The following STAU2 variants were observed in gnomAD, a reference collection of about 807,000 sequenced individuals.
STAU2 encodes the protein staufen double-stranded RNA binding protein 2, also known as double-stranded RNA-binding protein Staufen homolog 2.
Under a neutral mutation model 65.9 loss-of-function variants are expected in STAU2, and 20 were observed. That is an observed-to-expected ratio of 0.30 (90% CI 0.21 to 0.44). The LOEUF (loss-of-function observed/expected upper bound fraction) is 0.44. STAU2 is among the 20% of genes least tolerant of loss of function. The pLI, the probability that STAU2 is intolerant of heterozygous loss-of-function variation, is 1.00. For synonymous variants in STAU2, 232 were observed against 233.9 expected (o/e 0.99, Z 0.07); for missense variants, 558 against 683.9 (o/e 0.82, Z 2.05).
intron 12 of STAU2, among the ~76,000 whole-genome samples, chr8:73,563,998 A>T (rs1416096016): frequency 6.6e-6 from 1 of 152,220 alleles, no homozygotes; most frequent in Non-Finnish European, 1.5e-5. Flanking sequence ...AAGAATGGCC[A>T]CACTGAAACA....
At chr8:73,451,509 G>A (rs6981917) in intron 13 of STAU2, among the ~76,000 whole-genome samples, 50,242 of 151,544 alleles carry the variant, frequency 0.33, 9,471 homozygotes, top group Non-Finnish European at 0.42. Context: ...GAGAGAAAGC[G>A]TTCCTCTAAC....
chr8:73,429,808 C>A (rs1817127915), intron 13 of STAU2, among the ~76,000 whole-genome samples: 1 of 152,080 alleles, frequency 6.6e-6, no homozygotes, highest in Admixed American at 6.6e-5. Context: ...ATTAATATTT[C>A]AAAATCACTC....
chr8:73,744,660 A>G (rs375421253), intron 1 of STAU2, among the ~76,000 whole-genome samples: 1 of 152,196 alleles, frequency 6.6e-6, no homozygotes, highest in Non-Finnish European at 1.5e-5. Flanking sequence ...ACTTCATTCC[A>G]GACAAGCCAA....
chr8:73,524,433 T>C (rs1563401241), intron 13 of STAU2, among the ~76,000 whole-genome samples: 1 of 152,196 alleles, frequency 6.6e-6, no homozygotes, highest in Non-Finnish European at 1.5e-5. Context: ...CCCCTGATCA[T>C]TTTGCATATC....
chr8:73,692,830 G>A (rs1819424256), intron 4 of STAU2, among the ~76,000 whole-genome samples: 1 of 152,132 alleles, frequency 6.6e-6, no homozygotes. Context: ...AGAATTCGCT[G>A]GCGTGGAAAA....
intron 4 of STAU2, among the ~76,000 whole-genome samples, chr8:73,703,462 T>C (rs1439732002): frequency 6.6e-6 from 1 of 152,180 alleles, no homozygotes; most frequent in African/African-American, 2.4e-5. Flanking sequence ...TTTATAGCAA[T>C]ACAAGAATGG....
At chr8:73,509,965 G>A (rs2128923626) in intron 13 of STAU2, among the ~76,000 whole-genome samples, 1 of 152,300 alleles carries the variant, frequency 6.6e-6, no homozygotes, top group East Asian at 1.9e-4. Context: ...TTCTCAGGTA[G>A]TAAGCAAAGC....
At chr8:73,611,854 G>C (rs1458148678) in intron 9 of STAU2, among the ~76,000 whole-genome samples, 1 of 151,940 alleles carries the variant, frequency 6.6e-6, no homozygotes, top group Non-Finnish European at 1.5e-5. Context: ...ACTAATTTTT[G>C]TATTTTTAGT....
intron 4 of STAU2, among the ~76,000 whole-genome samples, chr8:73,704,340 T>C (rs931809787): frequency 6.6e-6 from 1 of 152,138 alleles, no homozygotes; most frequent in African/African-American, 2.4e-5. Context: ...AGCCACCAAA[T>C]GTAATACATG....
chr8:73,741,006 G>GA (rs770291962), intron 1 of STAU2, among the ~76,000 whole-genome samples: 4,756 of 62,708 alleles, frequency 0.076, 218 homozygotes, highest in Admixed American at 0.23. Context: ...CTTCATCTCA[G>GA]AAAAAAAAAA....
At position 73,595,154 on chromosome 8, in the gene STAU2, CT is replaced by C; in HGVS notation, c.1161+11del. ...GACAGATAGGATACATACATGTAAA[CT>C]TAACTCTTACCTTCTCAAGTTGATC... On this transcript the variant is annotated intron_variant, in intron 11 of 14. Coordinates refer to ENST00000524300, the MANE Select transcript of STAU2 (RefSeq NM_001164380.2). 6.3e-7 allele frequency: 1 copy of C among 1,593,470 alleles called. No homozygotes were observed. Among genetic ancestry groups the C allele is most frequent in the Non-Finnish European group, 8.5e-7 (1 of 1,172,100 alleles).
At position 73,589,570 on chromosome 8, in the gene STAU2, TA is replaced by T. The variant is rs553156698; in HGVS notation, c.1161+5595del. 5.9e-5 allele frequency among the ~76,000 whole-genome samples: 9 copies of T among 152,240 alleles called. 1 individual carries two copies. In the East Asian group the frequency reaches 1.7e-3, roughly 29 times the overall value. On this transcript the variant is annotated intron_variant, in intron 11 of 14. Transcript: ENST00000524300. ...TAAGGAAATCCTAAACGAAAAATAT[TA>T]GAGATCAAAACATTGATGTCATTAT...
At chr8:73,515,767 ATTTCTC>A (rs1258965193) in intron 13 of STAU2, among the ~76,000 whole-genome samples, 3 of 130,738 alleles carry the variant, frequency 2.3e-5, no homozygotes, top group African/African-American at 5.7e-5. Context: ...TGCTGAAAAA[ATTTCTC>A]TTTTTTTTTT....
chr8:73,645,229 A>C (rs2130165674), intron 6 of STAU2, among the ~76,000 whole-genome samples: 1 of 152,332 alleles, frequency 6.6e-6, no homozygotes, highest in East Asian at 1.9e-4. Context: ...CAACATACAT[A>C]AAGAATCTTA....
chr8:73,468,555 A>C (rs1585819055), intron 13 of STAU2, among the ~76,000 whole-genome samples: 1 of 152,222 alleles, frequency 6.6e-6, no homozygotes, highest in Non-Finnish European at 1.5e-5. Context: ...CAATCTACTC[A>C]TCTGACAAAG....
intron 9 of STAU2, among the ~76,000 whole-genome samples, chr8:73,605,307 C>CTTTTT (rs760108756): frequency 1.6e-5 from 2 of 124,030 alleles, no homozygotes; most frequent in Non-Finnish European, 3.4e-5. Flanking sequence ...GGCTTTTTTC[C>CTTTTT]TTTTTTTTTT....
intron 12 of STAU2, among the ~76,000 whole-genome samples, chr8:73,554,792 C>A (rs1274522408): frequency 6.6e-6 from 1 of 152,112 alleles, no homozygotes; most frequent in Non-Finnish European, 1.5e-5. Context: ...ACTATAGAAC[C>A]CAAACTCCTT....
chr8:73,447,332 T>C (rs1038880708), intron 13 of STAU2, among the ~76,000 whole-genome samples: 6 of 152,322 alleles, frequency 3.9e-5, no homozygotes, highest in African/African-American at 1.2e-4. Flanking sequence ...AACTTTTTTT[T>C]CCCACATAAT....
chr8:73,590,893 G>GCC (rs1205731752), intron 11 of STAU2: 2 of 153,478 alleles, frequency 1.3e-5, no homozygotes, highest in Non-Finnish European at 2.9e-5. Flanking sequence ...GAAGGTCTGA[G>GCC]CCCCCACCCC....
Sources: gnomAD v4.1 joint callset for allele counts (sites outside exome capture counted in the v4.1 genomes callset) on GRCh38, gnomAD v4.1.1 for gene constraint, MANE v1.5 for transcripts, NCBI Gene and HGNC (gene_info 2026-07-23, HGNC 2026-07-21) for gene names.